Variants in EFHC1 observed in about 807,000 individuals in gnomAD.
EFHC1 encodes the protein EF-hand domain containing 1.
A neutral mutation model predicts 69.9 loss-of-function variants in EFHC1; 53 were observed. That is an observed-to-expected ratio of 0.76 (90% CI 0.61 to 0.95). EFHC1 has a LOEUF of 0.95. EFHC1 is among the 40% of genes least tolerant of loss of function. The probability of loss-of-function intolerance (pLI) is 0.00; values close to 1 mark genes in which losing one functional copy is unlikely to be tolerated. For missense variants in EFHC1, 739 were observed against 798.7 expected (o/e 0.93, Z 0.90); for synonymous variants, 256 against 278.4 (o/e 0.92, Z 0.80).
At chr6:52,458,863 T>A (rs955828680) in intron 5 of EFHC1, among the ~76,000 whole-genome samples, 10 of 152,202 alleles carry the variant, frequency 6.6e-5, no homozygotes, top group Non-Finnish European at 1.5e-4. Context: ...CAGGTGCCCA[T>A]CACTGGTGGA....
rs183756235 is a variant in EFHC1, at chr6:52,438,978, G to T, written c.573+387G>T. 1.2e-3 allele frequency among the ~76,000 whole-genome samples: 190 copies of T among 152,204 alleles called. 2 individuals are homozygous for T. Among genetic ancestry groups the T allele is most frequent in the African/African-American group, 4.1e-3 (170 of 41,550 alleles). On this transcript the variant is annotated intron_variant, in intron 3 of 10. Transcript: ENST00000371068. ...AAAAATAGCACTACTTCTATTAGCA[G>T]ATATGAGCCTAAAATTTTTTGTGTA...
chr6:52,459,730 A>T (rs891228063), intron 5 of EFHC1, among the ~76,000 whole-genome samples: 3 of 152,158 alleles, frequency 2.0e-5, no homozygotes, highest in Non-Finnish European at 4.4e-5. Context: ...GCTGGAGTGC[A>T]GTGGCATGGT....
intron 7 of EFHC1, among the ~76,000 whole-genome samples, chr6:52,475,783 A>G (rs1041536707): frequency 4.6e-5 from 7 of 152,230 alleles, no homozygotes; most frequent in Non-Finnish European, 1.0e-4. Flanking sequence ...CTAGATACCA[A>G]AGGTACAGTG....
chr6:52,420,687 C>T (rs1012941990), intron 1 of EFHC1, among the ~76,000 whole-genome samples: 4 of 152,176 alleles, frequency 2.6e-5, no homozygotes, highest in Non-Finnish European at 2.9e-5. Flanking sequence ...CCCTCCGCCT[C>T]ATCCCTCTCT....
At chr6:52,459,295 T>C (rs970599562) in intron 5 of EFHC1, among the ~76,000 whole-genome samples, 1 of 152,202 alleles carries the variant, frequency 6.6e-6, no homozygotes, top group African/African-American at 2.4e-5. Flanking sequence ...AAGCTAAAGA[T>C]TGGGAAAAAT....
Position 52,424,113 on chromosome 6 carries a change from T to G in EFHC1, c.231T>G (p.Pro77=). 1 of 1,614,180 alleles carries G rather than the reference T, an allele frequency of 6.2e-7. No individual in the cohort carries two copies. Among genetic ancestry groups the G allele is most frequent in the Non-Finnish European group, 8.5e-7 (1 of 1,180,032 alleles). The part of the protein sequence containing the change: ...SKAPVLTYGQ[P]KQAPPADFIP... Reference sequence around the variant, plus strand: ...CACCAGTCTTAACTTATGGCCAACCTAAACAAGCCCCACCTGCGGATTTTA... The same window carrying G: ...CACCAGTCTTAACTTATGGCCAACCGAAACAAGCCCCACCTGCGGATTTTA... The change falls in exon 2 of 11, where the codon CCT becomes CCG. Residue 77 remains proline (P), a synonymous_variant. Coordinates refer to ENST00000371068, the MANE Select transcript of EFHC1 (RefSeq NM_018100.4).
chr6:52,453,747 A>T (rs1249874437), intron 4 of EFHC1: 1 of 1,243,044 alleles, frequency 8.0e-7, no homozygotes, highest in Admixed American at 2.9e-5. Flanking sequence ...CCATATTCAC[A>T]TGTACCTTTA....
At chr6:52,455,312 A>T (rs1562453702) in intron 5 of EFHC1, among the ~76,000 whole-genome samples, 1 of 151,306 alleles carries the variant, frequency 6.6e-6, no homozygotes, top group Non-Finnish European at 1.5e-5. Flanking sequence ...GTGTTCACTG[A>T]TTTTTTTTTC....
chr6:52,465,004 C>T lies in EFHC1; in HGVS notation c.1026C>T (p.Phe342=). 4 of 1,614,138 alleles carry T rather than the reference C, an allele frequency of 2.5e-6. No homozygotes were observed. Residue 342 remains phenylalanine, a synonymous_variant, in exon 6 of 11, where the codon TTC becomes TTT. Coordinates refer to ENST00000371068, the MANE Select transcript of EFHC1 (RefSeq NM_018100.4). ...GKSLTILGRT[F]FIYDCDPFTR... is the part of the protein sequence containing the mutation. ...CACTCACTATCCTTGGGAGAACTTT[C>T]TTCATTTATGATTGTGATCCATTTA... is the stretch of plus-strand genomic sequence containing the variant.
intron 2 of EFHC1, among the ~76,000 whole-genome samples, chr6:52,425,195 T>C (rs184863382): frequency 1.8e-3 from 280 of 152,322 alleles, no homozygotes; most frequent in African/African-American, 6.5e-3. Flanking sequence ...TATGCATTCA[T>C]AGGCCGAACC....
In EFHC1 at chr6:52,420,374, A is replaced by C; in HGVS notation, c.-37A>C. 6.2e-7 allele frequency: 1 copy of C among 1,614,152 alleles called. No homozygotes were observed. Reference sequence around the variant, plus strand: ...GTCGCCTGGGCAACCGGAGAGGACGAAGCAGGACCTAGGTGGCGGCGGTGG... The same window carrying C: ...GTCGCCTGGGCAACCGGAGAGGACGCAGCAGGACCTAGGTGGCGGCGGTGG... On this transcript the variant is annotated 5_prime_UTR_variant, in exon 1 of 11. Transcript: ENST00000371068.
At chr6:52,477,932 AC>A (rs1360569000) in intron 7 of EFHC1, among the ~76,000 whole-genome samples, 3 of 152,168 alleles carry the variant, frequency 2.0e-5, no homozygotes, top group Non-Finnish European at 4.4e-5. Context: ...CTGGGTATAT[AC>A]CGAAAGGACT....
At chr6:52,435,293 A>G (rs1456536076) in intron 2 of EFHC1, among the ~76,000 whole-genome samples, 4 of 152,130 alleles carry the variant, frequency 2.6e-5, no homozygotes, top group African/African-American at 7.2e-5. Context: ...CTTCATATCA[A>G]TTTGATAGTA....
At chr6:52,427,672 A>G (rs1764331157) in intron 2 of EFHC1, among the ~76,000 whole-genome samples, 1 of 151,884 alleles carries the variant, frequency 6.6e-6, no homozygotes, top group Non-Finnish European at 1.5e-5. Context: ...ATAGTTTATT[A>G]TATATTTAGT....
chr6:52,437,937 T>C (rs1764569598), intron 2 of EFHC1, among the ~76,000 whole-genome samples: 1 of 152,218 alleles, frequency 6.6e-6, no homozygotes. Context: ...ACTCTTCCCT[T>C]GTAATGGGAG....
intron 5 of EFHC1, among the ~76,000 whole-genome samples, chr6:52,463,156 T>A (rs1345558909): frequency 6.6e-6 from 1 of 150,522 alleles, no homozygotes; most frequent in Non-Finnish European, 1.5e-5. Flanking sequence ...GCCTCCCGAG[T>A]AGCTGGGACT....
chr6:52,434,535 G>A (rs1764488268), intron 2 of EFHC1, among the ~76,000 whole-genome samples: 1 of 152,146 alleles, frequency 6.6e-6, no homozygotes, highest in Non-Finnish European at 1.5e-5. Flanking sequence ...TATTTGGGGT[G>A]TCTCCCGGGT....
At chr6:52,425,973 G>A (rs1415849690) in intron 2 of EFHC1, among the ~76,000 whole-genome samples, 1 of 152,088 alleles carries the variant, frequency 6.6e-6, no homozygotes, top group African/African-American at 2.4e-5. Context: ...TATAATTCCA[G>A]CATCACCTAC....
At position 52,495,036 on chromosome 6, in the gene EFHC1, C is replaced by T. The variant is rs1261003412; in HGVS notation, c.*2695C>T. On this transcript the variant is annotated 3_prime_UTR_variant, in exon 11 of 11. Coordinates refer to ENST00000371068, the MANE Select transcript of EFHC1 (RefSeq NM_018100.4). ...CTTTCCAACCGGAAACTGCCCAGTG[C>T]ACCACTCTCAGATGGACGGGACCCA... 4.4e-6 allele frequency: 2 copies of T among 453,986 alleles called. No individual in the cohort carries two copies. The highest frequency in any genetic ancestry group is 8.8e-6 in the Non-Finnish European group (2 of 226,798). The allele number at this position is 453,986 out of a possible 1,614,324, so 28.1% of individuals were successfully genotyped here.
Sources: gnomAD v4.1 joint callset for allele counts (sites outside exome capture counted in the v4.1 genomes callset) on GRCh38, gnomAD v4.1.1 for gene constraint, MANE v1.5 for transcripts, NCBI Gene and HGNC (gene_info 2026-07-23, HGNC 2026-07-21) for gene names.